ICA1: variants seen among roughly 807,000 people sequenced by gnomAD.
ICA1 encodes islet cell autoantigen 1.
Under a neutral mutation model 71.0 loss-of-function variants are expected in ICA1, and 40 were observed. The ratio of observed to expected loss-of-function variants is 0.56; its 90% confidence interval spans 0.44 to 0.73. ICA1 has a LOEUF of 0.73. ICA1 is among the 30% of genes least tolerant of loss of function. The pLI, the probability that ICA1 is intolerant of heterozygous loss-of-function variation, is 0.00. For missense variants in ICA1, 578 were observed against 576.5 expected, an observed-to-expected ratio of 1.00 and a Z score of -0.03; for synonymous variants, 207 against 209.5, an observed-to-expected ratio of 0.99 and a Z score of 0.10.
chr7:8,255,720 T>C (rs1053441150), intron 1 of ICA1, among the ~76,000 whole-genome samples: 5 of 151,964 alleles, frequency 3.3e-5, no homozygotes, highest in Admixed American at 2.6e-4. Context: ...GTGGTCCCTA[T>C]GTTAATTACC....
intron 6 of ICA1, among the ~76,000 whole-genome samples, chr7:8,215,214 G>A (rs1023062658): frequency 3.3e-5 from 5 of 151,976 alleles, no homozygotes; most frequent in Non-Finnish European, 5.9e-5. Context: ...CTAACCCCAT[G>A]GTCAGGGCAC....
chr7:8,262,051 G>C (rs1035016072), intron 1 of ICA1, 43 bp downstream of exon 1: 1 of 152,142 alleles, frequency 6.6e-6, no homozygotes, highest in Non-Finnish European at 1.5e-5. Flanking sequence ...GCTTCCTGCA[G>C]CCCGCCCGGC....
chr7:8,243,735 C>G (rs927253526), intron 1 of ICA1, among the ~76,000 whole-genome samples: 8 of 152,202 alleles, frequency 5.3e-5, no homozygotes, highest in African/African-American at 1.9e-4. Flanking sequence ...GATACAAAAT[C>G]AATGTGCAAA....
At chr7:8,177,068 A>G (rs560943622) in intron 6 of ICA1, among the ~76,000 whole-genome samples, 14 of 152,342 alleles carry the variant, frequency 9.2e-5, no homozygotes, top group African/African-American at 3.1e-4. Flanking sequence ...TTAATTTATT[A>G]CATGAAAATA....
intron 1 of ICA1, among the ~76,000 whole-genome samples, chr7:8,247,747 G>T (rs549083679): frequency 6.6e-6 from 1 of 152,272 alleles, no homozygotes; most frequent in African/African-American, 2.4e-5. Context: ...ATGAACGCTT[G>T]TTCTGACCTA....
intron 8 of ICA1, chr7:8,156,806 G>C: frequency 6.8e-7 from 1 of 1,472,032 alleles, no homozygotes; most frequent in Non-Finnish European, 9.0e-7. Context: ...TAAAGGAGCA[G>C]GACCAATCAT....
At chr7:8,259,249 CACGCT>C (rs1186601309) in intron 1 of ICA1, among the ~76,000 whole-genome samples, 1 of 152,142 alleles carries the variant, frequency 6.6e-6, no homozygotes, top group African/African-American at 2.4e-5. Flanking sequence ...GAGTAGCAGG[CACGCT>C]AAGATTTTGC....
intron 1 of ICA1, among the ~76,000 whole-genome samples, chr7:8,237,286 C>G (rs563276802): frequency 7.2e-5 from 11 of 152,286 alleles, no homozygotes; most frequent in African/African-American, 2.4e-4. Flanking sequence ...ACCACCCAGA[C>G]AGCTTCACTG....
chr7:8,113,820 G>A lies in ICA1; in HGVS notation c.*103C>T. ...TTGACCCTTTCATTTTATTAAAATG[G>A]CACATAATTATTAAAACAGCATACT... On this transcript the variant is annotated 3_prime_UTR_variant, in exon 14 of 14. Transcript: ENST00000402384. The surrounding 1 kb of genome is among the most constrained non-coding windows in gnomAD (Gnocchi z 4.2). 2 of 1,218,038 alleles carry A rather than the reference G, an allele frequency of 1.6e-6. No individual in the cohort carries two copies. The highest frequency in any genetic ancestry group is 2.4e-6 in the Non-Finnish European group (2 of 837,556). The allele number at this position is 1,218,038 out of a possible 1,614,324, so 75.5% of individuals were successfully genotyped here. A position where few individuals can be genotyped will look rare whatever the true frequency, so the allele number is the denominator to read the frequency against.
intron 13 of ICA1, among the ~76,000 whole-genome samples, chr7:8,120,872 C>G (rs140470585): frequency 1.3e-5 from 2 of 152,130 alleles, no homozygotes; most frequent in Non-Finnish European, 2.9e-5. Context: ...CATTTACCAG[C>G]GGGGAGAGCC....
chr7:8,241,244 G>A (rs763082354), intron 1 of ICA1, among the ~76,000 whole-genome samples: 14 of 152,206 alleles, frequency 9.2e-5, no homozygotes, highest in Admixed American at 2.6e-4. Context: ...AGCCAGAAGC[G>A]AGTGGGGGCC....
At chr7:8,260,939 G>C (rs2090293872) in intron 1 of ICA1, among the ~76,000 whole-genome samples, 1 of 152,152 alleles carries the variant, frequency 6.6e-6, no homozygotes, top group African/African-American at 2.4e-5. Flanking sequence ...TTTCCGAAGA[G>C]ACTTCACTGA....
intron 10 of ICA1, 83 bp from the exon 11 acceptor site, chr7:8,139,130 C>A: frequency 9.1e-7 from 1 of 1,094,478 alleles, no homozygotes; most frequent in East Asian, 2.4e-5. Flanking sequence ...AAGGTAAATG[C>A]ACGGCTTCAG....
intron 6 of ICA1, among the ~76,000 whole-genome samples, chr7:8,198,482 C>G (rs1788447947): frequency 6.6e-6 from 1 of 152,116 alleles, no homozygotes; most frequent in Non-Finnish European, 1.5e-5. Context: ...GTGGCCTTGG[C>G]AGTTACTTTG....
chr7:8,202,866 CA>C, intron 6 of ICA1, among the ~76,000 whole-genome samples: 1 of 58,586 alleles, frequency 1.7e-5, no homozygotes, highest in Non-Finnish European at 3.4e-5. Context: ...GCAATAGACA[CA>C]CCGCACGAAT....
intron 1 of ICA1, among the ~76,000 whole-genome samples, chr7:8,246,705 T>A (rs1266386627): frequency 6.6e-6 from 1 of 152,178 alleles, no homozygotes; most frequent in Non-Finnish European, 1.5e-5. Flanking sequence ...TTGTTCAGGT[T>A]TTCTGTTGGG....
At position 8,128,652 on chromosome 7, in the gene ICA1, C is replaced by T. The variant is rs888274879; in HGVS notation, c.1061-510G>A. On this transcript the variant is annotated intron_variant, in intron 12 of 13. Coordinates refer to ENST00000402384, the MANE Select transcript of ICA1 (RefSeq NM_001136020.3). Reference sequence around the variant, plus strand: ...ACAGTGAAGGGGAGGATGTCCAGAGCTCAACAATGCCCAAGAGAGGCATCC... The same window carrying T: ...ACAGTGAAGGGGAGGATGTCCAGAGTTCAACAATGCCCAAGAGAGGCATCC... Among the ~76,000 whole-genome samples, 9 of 148,270 alleles carry T rather than the reference C, an allele frequency of 6.1e-5. No individual in the cohort carries two copies. In the East Asian group the frequency reaches 1.8e-3, roughly 30 times the overall value.
Position 8,123,407 on chromosome 7 carries a change from G to C in ICA1, c.1330+4466C>G, listed in dbSNP as rs1015189952. Among the ~76,000 whole-genome samples, 6 of 152,106 alleles carry C rather than the reference G, an allele frequency of 3.9e-5. No homozygotes were observed. Among genetic ancestry groups the C allele is most frequent in the Non-Finnish European group, 7.4e-5 (5 of 68,018 alleles). On this transcript the variant is annotated intron_variant, in intron 13 of 13. Coordinates refer to ENST00000402384, the MANE Select transcript of ICA1 (RefSeq NM_001136020.3). This position sits in a 1 kb window ranked among gnomAD's most constrained non-coding sequence, Gnocchi z 4.1. ...GGAAGAGGAGGGGGAAATGTGGATT[G>C]TGAGAGGGGGTGAGGGAGCTGGGGA...
chr7:8,256,876 G>A (rs886472742), intron 1 of ICA1, among the ~76,000 whole-genome samples: 6 of 152,232 alleles, frequency 3.9e-5, no homozygotes, highest in African/African-American at 1.2e-4. Flanking sequence ...CTTTACATGT[G>A]TGAAGCACTT....
Sources: gnomAD v4.1 joint callset for allele counts (sites outside exome capture counted in the v4.1 genomes callset) on GRCh38, gnomAD v4.1.1 for gene constraint, Gnocchi (gnomAD v3.1) non-coding constraint, MANE v1.5 for transcripts, NCBI Gene and HGNC (gene_info 2026-07-23, HGNC 2026-07-21) for gene names.